SCTR: variants seen among roughly 807,000 people sequenced by gnomAD.
The protein encoded by SCTR is secretin receptor.
In SCTR, 56 loss-of-function variants were observed where a neutral mutation model predicts 60.8. The observed-to-expected ratio is 0.92, with a 90% CI of 0.74 to 1.15. The LOEUF (loss-of-function observed/expected upper bound fraction) is 1.15, where lower values mean the gene tolerates loss of function less well. Ranked by LOEUF, SCTR falls within the 50% of genes most tolerant of loss-of-function variation. SCTR has a pLI of 0.00. For synonymous variants in SCTR, 202 were observed against 217.0 expected (o/e 0.93, Z 0.61); for missense variants, 562 against 550.4 (o/e 1.02, Z -0.21).
chr2:119,521,042 G>A (rs1475926142), intron 1 of SCTR, among the ~76,000 whole-genome samples: 1 of 152,190 alleles, frequency 6.6e-6, no homozygotes, highest in Non-Finnish European at 1.5e-5. Context: ...CCATGATGCT[G>A]CTAGACATTG....
In SCTR at chr2:119,444,497, ATACG is replaced by A. The variant is rs1227341788; in HGVS notation, c.1140+2258_1140+2261del. ...TACGTACGTATATATATACACATAT[ATACG>A]TACGTATATATATACACATATATAC... On this transcript the variant is annotated intron_variant, in intron 11 of 12. Transcript: ENST00000019103. Among the ~76,000 whole-genome samples, 2 of 97,558 alleles carry A rather than the reference ATACG, an allele frequency of 2.1e-5. 1 individual carries two copies. Among genetic ancestry groups the A allele is most frequent in the Admixed American group, 1.9e-4 (2 of 10,496 alleles). 64.0% of individuals were successfully genotyped at this position (97,558 alleles called of 152,430 possible).
intron 1 of SCTR, among the ~76,000 whole-genome samples, chr2:119,522,022 C>T (rs1465571648): frequency 6.6e-6 from 1 of 152,182 alleles, no homozygotes; most frequent in Non-Finnish European, 1.5e-5. Context: ...CCGCCGGGCG[C>T]GGTGGTTCAT....
At chr2:119,450,092 A>C (rs1164209200) in intron 9 of SCTR, among the ~76,000 whole-genome samples, 1 of 150,454 alleles carries the variant, frequency 6.6e-6, no homozygotes. Context: ...TAAATAAATA[A>C]ATAAATAAAT....
intron 1 of SCTR, among the ~76,000 whole-genome samples, chr2:119,500,088 T>C (rs1678487378): frequency 6.6e-6 from 1 of 152,112 alleles, no homozygotes; most frequent in African/African-American, 2.4e-5. Flanking sequence ...GCAGCAGGTA[T>C]ATGAAAAATG....
At chr2:119,467,256 G>A (rs1683874735) in intron 4 of SCTR, among the ~76,000 whole-genome samples, 1 of 151,946 alleles carries the variant, frequency 6.6e-6, no homozygotes. Flanking sequence ...GCGTGCACCT[G>A]TAATCCCAGC....
chr2:119,470,214 T>C (rs1676945448), intron 4 of SCTR, among the ~76,000 whole-genome samples: 1 of 152,208 alleles, frequency 6.6e-6, no homozygotes, highest in Non-Finnish European at 1.5e-5. Flanking sequence ...GAGTCCACTA[T>C]TGGTGTCAGT....
At chr2:119,499,683 T>C (rs894248501) in intron 1 of SCTR, among the ~76,000 whole-genome samples, 1 of 152,046 alleles carries the variant, frequency 6.6e-6, no homozygotes, top group Non-Finnish European at 1.5e-5. Context: ...AAAAATCACA[T>C]GATCATATCA....
At chr2:119,524,126 C>T in intron 1 of SCTR, 29 bp downstream of exon 1, 1 of 1,535,598 alleles carries the variant, frequency 6.5e-7, no homozygotes, top group Non-Finnish European at 8.8e-7. Context: ...CCCTCGGGTC[C>T]CCAGCCTGCA....
intron 2 of SCTR, among the ~76,000 whole-genome samples, chr2:119,485,632 C>T (rs984272423): frequency 2.1e-4 from 32 of 152,358 alleles, no homozygotes; most frequent in African/African-American, 4.8e-4. Flanking sequence ...CTGGGCCACT[C>T]ACACCCCTCC....
intron 1 of SCTR, among the ~76,000 whole-genome samples, chr2:119,498,357 A>G (rs1678424146): frequency 6.6e-6 from 1 of 152,170 alleles, no homozygotes; most frequent in Non-Finnish European, 1.5e-5. Context: ...CTCACCCTAA[A>G]AGAATGGCTA....
intron 1 of SCTR, among the ~76,000 whole-genome samples, chr2:119,503,018 G>A (rs1292202920): frequency 1.3e-5 from 2 of 151,212 alleles, no homozygotes; most frequent in African/African-American, 4.9e-5. Flanking sequence ...AATTAGCCAG[G>A]TGTGGTGGCA....
chr2:119,513,571 T>C (rs1332628004), intron 1 of SCTR, among the ~76,000 whole-genome samples: 1 of 152,240 alleles, frequency 6.6e-6, no homozygotes, highest in Non-Finnish European at 1.5e-5. Flanking sequence ...CATGGAGTTT[T>C]GGAAATATTG....
intron 9 of SCTR, among the ~76,000 whole-genome samples, chr2:119,449,788 A>G (rs1216470493): frequency 6.6e-6 from 1 of 152,200 alleles, no homozygotes; most frequent in African/African-American, 2.4e-5. Context: ...CTGGCCCAGC[A>G]CTGCTTTTCG....
chr2:119,452,240 C>T (rs1683201837), intron 8 of SCTR, among the ~76,000 whole-genome samples, 161 bp from the exon 9 acceptor site: 1 of 152,218 alleles, frequency 6.6e-6, no homozygotes, highest in Non-Finnish European at 1.5e-5. Flanking sequence ...ACACCCCCTC[C>T]TGCCACCCAG....
In SCTR at chr2:119,464,239, G is replaced by A. The variant is rs773335176; in HGVS notation, c.520C>T (p.Arg174Cys). The A allele has an allele frequency of 2.8e-5, 46 of 1,614,118 alleles. No individual in the cohort carries two copies. In the East Asian group the frequency reaches 4.2e-4, roughly 15 times the overall value. The change falls in exon 6 of 13, where the codon CGC becomes TGC. Residue 174 changes from arginine (R) to cysteine (C), a missense_variant. By Grantham distance (180) the Arg-to-Cys change is radical (BLOSUM62 -3). Transcript: ENST00000019103. ...AACAGGTGCATGTGGATGTAGTTGC[G>A]AGTGCAGTGGAGCCTCCTGCAGGGA... ...LCAFRRLHCT[R>C]NYIHMHLFVS... is the part of the protein sequence containing the mutation.
intron 1 of SCTR, among the ~76,000 whole-genome samples, chr2:119,514,964 A>G (rs1015000422): frequency 6.6e-6 from 1 of 152,198 alleles, no homozygotes; most frequent in Admixed American, 6.5e-5. Flanking sequence ...ACAACCAGAG[A>G]CTGGAAAGAT....
rs183122729 is a variant in SCTR, at chr2:119,501,981, C to T, written c.73-7433G>A. Among the ~76,000 whole-genome samples, 278 of 152,208 alleles carry T rather than the reference C, an allele frequency of 1.8e-3. 3 individuals are homozygous for T. The highest frequency in any genetic ancestry group is 6.2e-3 in the African/African-American group (256 of 41,544). On this transcript the variant is annotated intron_variant, in intron 1 of 12. Transcript: ENST00000019103. ...GTGAATTAAAAACCCAGTGGCCAGG[C>T]GTAGTGGCTCATGCCTGTAATCATA...
rs551623011 is a variant in SCTR, at chr2:119,479,287, G to A, written c.194-369C>T. The A allele has an allele frequency of 3.5e-5, 35 of 1,008,086 alleles. No individual in the cohort carries two copies. In the African/African-American group the frequency reaches 6.0e-4, roughly 17 times the overall value. The allele number at this position is 1,008,086 out of a possible 1,614,324, so 62.4% of individuals were successfully genotyped here. A position where few individuals can be genotyped will look rare whatever the true frequency, so the allele number is the denominator to read the frequency against. ...GCATTAAACAACTAAGCAGCAATGG[G>A]TCTCCCTTCTAGCTTCATGGTACGA... On this transcript the variant is annotated intron_variant, in intron 2 of 12. Transcript: ENST00000019103.
In SCTR at chr2:119,479,347, C is replaced by A. The variant is rs114207421; in HGVS notation, c.194-429G>T. 891 of 920,586 alleles carry A rather than the reference C, an allele frequency of 9.7e-4. 4 individuals are homozygous for A. Among genetic ancestry groups the A allele is most frequent in the Middle Eastern group, 7.8e-3 (14 of 1,794 alleles). The allele number at this position is 920,586 out of a possible 1,614,324, so 57.0% of individuals were successfully genotyped here. A position where few individuals can be genotyped will look rare whatever the true frequency, so the allele number is the denominator to read the frequency against. On this transcript the variant is annotated intron_variant, in intron 2 of 12. Transcript: ENST00000019103. Reference sequence around the variant, plus strand: ...GAGCTTTAGAAATAGACCTAGCCGGCGTGGCACACAGGGATCCTGCATGAA... The same window carrying A: ...GAGCTTTAGAAATAGACCTAGCCGGAGTGGCACACAGGGATCCTGCATGAA...
Sources: allele counts gnomAD v4.1 joint callset (sites outside exome capture counted in the v4.1 genomes callset), GRCh38; gene constraint gnomAD v4.1.1; transcripts MANE v1.5; gene names NCBI Gene and HGNC (gene_info 2026-07-23, HGNC 2026-07-21).